Variants in PKD2L1 observed in about 807,000 individuals in gnomAD.
The protein encoded by PKD2L1 is polycystin-2-like protein 1.
Under a neutral mutation model 93.0 loss-of-function variants are expected in PKD2L1, and 77 were observed. The observed-to-expected ratio is 0.83, with a 90% confidence interval of 0.69 to 1.00. PKD2L1 has a LOEUF of 1.00. Ranked by LOEUF, PKD2L1 falls within the 50% of genes least tolerant of loss-of-function variation. PKD2L1 has a pLI of 0.00. For synonymous variants in PKD2L1, 390 were observed against 388.0 expected (o/e 1.01, Z -0.06); for missense variants, 977 against 990.9 (o/e 0.99, Z 0.19).
intron 8 of PKD2L1, 105 bp from the exon 9 acceptor site, chr10:100,294,760 A>G (rs982483574): frequency 4.1e-5 from 61 of 1,496,840 alleles, no homozygotes; most frequent in Non-Finnish European, 5.2e-5. Context: ...CCAATCTGAT[A>G]GACACAGGGC....
At chr10:100,290,872 G>A (rs1389717692) in intron 12 of PKD2L1, among the ~76,000 whole-genome samples, 1 of 152,186 alleles carries the variant, frequency 6.6e-6, no homozygotes, top group African/African-American at 2.4e-5. Context: ...GGATAGGGAT[G>A]GAGCAGGCAC....
At chr10:100,322,311 G>C (rs896582810) in intron 2 of PKD2L1, among the ~76,000 whole-genome samples, 5 of 152,118 alleles carry the variant, frequency 3.3e-5, no homozygotes, top group Non-Finnish European at 4.4e-5. Context: ...CCGATCACTT[G>C]AGGTCAGGAG....
chr10:100,310,104 C>A (rs11190471), intron 2 of PKD2L1, among the ~76,000 whole-genome samples: 2 of 152,076 alleles, frequency 1.3e-5, no homozygotes, highest in African/African-American at 2.4e-5. Context: ...GAGGCCAAGG[C>A]GGGAGGATTG....
chr10:100,306,256 G>C (rs766702542), intron 2 of PKD2L1, among the ~76,000 whole-genome samples: 2 of 152,228 alleles, frequency 1.3e-5, no homozygotes, highest in Non-Finnish European at 2.9e-5. Flanking sequence ...TTTGAGAACT[G>C]CTGCCTTGAC....
At chr10:100,321,854 G>A (rs1381578953) in intron 2 of PKD2L1, among the ~76,000 whole-genome samples, 116 of 652 alleles carry the variant, frequency 0.18, 37 homozygotes, top group Non-Finnish European at 0.27. Context: ...CAAGCAAGAA[G>A]GCAGGCAGGC....
At chr10:100,318,114 C>T (rs1315883621) in intron 2 of PKD2L1, among the ~76,000 whole-genome samples, 2 of 151,958 alleles carry the variant, frequency 1.3e-5, no homozygotes, top group Admixed American at 1.3e-4. Flanking sequence ...AAAAGATTGC[C>T]CTCATTCCTT....
Position 100,288,186 on chromosome 10 carries a change from C to A in PKD2L1, c.*210G>T. The A allele has an allele frequency of 2.0e-6, 1 of 499,942 alleles. No individual in the cohort carries two copies. 31.0% of individuals were successfully genotyped at this position (499,942 alleles called of 1,614,324 possible). A position where few individuals can be genotyped will look rare whatever the true frequency, so the allele number is the denominator to read the frequency against. ...GTTTTATTGATAGCCACCATGGAAA[C>A]CCACATGGTCTTATGGAAGAATAAT... On this transcript the variant is annotated 3_prime_UTR_variant, in exon 16 of 16. Transcript: ENST00000318222.
intron 2 of PKD2L1, among the ~76,000 whole-genome samples, chr10:100,323,307 C>T (rs187186093): frequency 2.6e-5 from 4 of 152,292 alleles, no homozygotes; most frequent in South Asian, 2.1e-4. Context: ...CTCGCTCTGT[C>T]GCCCAGGCTG....
At chr10:100,298,941 A>G (rs1848616128) in intron 3 of PKD2L1, 126 bp from the exon 4 acceptor site, 2 of 379,320 alleles carry the variant, frequency 5.3e-6, no homozygotes, top group South Asian at 7.5e-5. Flanking sequence ...AATTATTGTT[A>G]TTATTATTAT....
At chr10:100,326,017 C>T (rs74950031) in intron 2 of PKD2L1, among the ~76,000 whole-genome samples, 3,772 of 152,242 alleles carry the variant, frequency 0.025, 97 homozygotes, top group African/African-American at 0.06. Context: ...TATACTGCCA[C>T]CAGATTGACT....
intron 2 of PKD2L1, among the ~76,000 whole-genome samples, chr10:100,302,703 A>C (rs2134388216): frequency 6.6e-6 from 1 of 152,204 alleles, no homozygotes; most frequent in African/African-American, 2.4e-5. Flanking sequence ...CAAAAAAAAA[A>C]AAAATTGTTC....
chr10:100,320,987 G>C (rs1849214634), intron 2 of PKD2L1, among the ~76,000 whole-genome samples: 1 of 152,136 alleles, frequency 6.6e-6, no homozygotes, highest in Admixed American at 6.5e-5. Context: ...TACCATGATA[G>C]GCAAATACTG....
At chr10:100,289,942 C>G in intron 14 of PKD2L1, 73 bp downstream of exon 14, 1 of 1,558,426 alleles carries the variant, frequency 6.4e-7, no homozygotes. Context: ...TGTTCTTGCC[C>G]CACCCACTGA....
intron 12 of PKD2L1, among the ~76,000 whole-genome samples, chr10:100,291,080 G>T (rs1221079045): frequency 2.0e-5 from 3 of 152,230 alleles, no homozygotes; most frequent in African/African-American, 7.2e-5. Context: ...CACACCCAGA[G>T]ATTCTGGTTT....
rs537675346 is a variant in PKD2L1, at chr10:100,289,022, G to A, written c.2285C>T (p.Ala762Val). 2 of 1,613,190 alleles carry A rather than the reference G, an allele frequency of 1.2e-6. No individual in the cohort carries two copies. Among genetic ancestry groups the A allele is most frequent in the South Asian group, 1.1e-5 (1 of 90,984 alleles). ...EQAIWKHPQP[A>V]PAVTPDPWGV... Reference sequence around the variant, plus strand: ...CCAGGGGTCTGGGGTCACAGCTGGGGCTGGCTGCGGGTGCTTCCAAATAGC... The same window carrying A: ...CCAGGGGTCTGGGGTCACAGCTGGGACTGGCTGCGGGTGCTTCCAAATAGC... The change falls in exon 15 of 16, where the codon GCC (alanine) becomes GTC (valine). Residue 762 changes from alanine to valine, a missense_variant. Ala to Val is a moderately conservative substitution (Grantham distance 64, BLOSUM62 0). Transcript: ENST00000318222.
chr10:100,329,846 A>G, intron 1 of PKD2L1, 23 bp downstream of exon 1: 2 of 1,489,040 alleles, frequency 1.3e-6, no homozygotes, highest in East Asian at 2.3e-5. Flanking sequence ...ATATCCCAGG[A>G]GAACTGTCCC....
At chr10:100,304,448 T>C (rs1480161735) in intron 2 of PKD2L1, among the ~76,000 whole-genome samples, 2 of 152,214 alleles carry the variant, frequency 1.3e-5, no homozygotes, top group Non-Finnish European at 2.9e-5. Context: ...AATTCTACAA[T>C]GTATAAAATA....
Position 100,297,227 on chromosome 10 carries a change from A to C in PKD2L1, c.957-19T>G. ...CACCAGCCTATAGGGGGAGGGGGAG[A>C]TGACCTCCAGTGGAGCCTTCGCTGG... On this transcript the variant is annotated intron_variant, in intron 5 of 15. Transcript: ENST00000318222. The C allele has an allele frequency of 6.2e-7, 1 of 1,607,728 alleles. No homozygotes were observed. The highest frequency in any genetic ancestry group is 8.5e-7 in the Non-Finnish European group (1 of 1,175,008).
At chr10:100,296,480 C>T (rs1848542334) in intron 6 of PKD2L1, among the ~76,000 whole-genome samples, 188 bp from the exon 7 acceptor site, 1 of 152,038 alleles carries the variant, frequency 6.6e-6, no homozygotes, top group African/African-American at 2.4e-5. Flanking sequence ...CTTAAGTGTT[C>T]CAAAGCCCAA....
Sources: gnomAD v4.1 joint callset for allele counts (sites outside exome capture counted in the v4.1 genomes callset) on GRCh38, gnomAD v4.1.1 for gene constraint, MANE v1.5 for transcripts, NCBI Gene and HGNC (gene_info 2026-07-23, HGNC 2026-07-21) for gene names.